The following MLXIPL variants were observed in gnomAD, a reference collection of about 807,000 sequenced individuals.
The protein encoded by MLXIPL is MLX interacting protein like.
A neutral mutation model predicts 81.5 loss-of-function variants in MLXIPL; 49 were observed. That is an observed-to-expected ratio of 0.60 (90% confidence interval 0.48 to 0.76). MLXIPL has a LOEUF of 0.76. Ranked by LOEUF, MLXIPL falls within the 30% of genes least tolerant of loss-of-function variation. MLXIPL has a pLI of 0.00. For missense variants in MLXIPL, 1,053 were observed against 1,167.0 expected (o/e 0.90, Z 1.42); for synonymous variants, 466 against 485.5 (o/e 0.96, Z 0.53).
intron 7 of MLXIPL, among the ~76,000 whole-genome samples, chr7:73,601,734 G>A (rs1433983068): frequency 1.3e-5 from 2 of 152,160 alleles, no homozygotes; most frequent in African/African-American, 4.8e-5. Flanking sequence ...GTTTTGCCAT[G>A]TTGCCCGGGC....
chr7:73,645,848 T>C, the MLXIPL span, among the ~76,000 whole-genome samples: 2 of 152,176 alleles, frequency 1.3e-5, no homozygotes, highest in Non-Finnish European at 2.9e-5. Flanking sequence ...AGCCAGAGCC[T>C]TGACCTCTCT....
chr7:73,595,530 T>C (rs935624131), intron 15 of MLXIPL, 107 bp downstream of exon 15: 76 of 1,607,860 alleles, frequency 4.7e-5, no homozygotes, highest in Non-Finnish European at 6.2e-5. Context: ...TGGGAGCAGC[T>C]CTGAGCCTGC....
intron 7 of MLXIPL, 98 bp from the exon 8 acceptor site, chr7:73,599,793 G>A: frequency 3.4e-6 from 4 of 1,184,004 alleles, no homozygotes; most frequent in Non-Finnish European, 4.8e-6. Flanking sequence ...TTGGCGGGTG[G>A]GGACATGGGG....
chr7:73,630,588 C>T, the MLXIPL span, among the ~76,000 whole-genome samples: 3 of 152,118 alleles, frequency 2.0e-5, no homozygotes, highest in Non-Finnish European at 4.4e-5. Flanking sequence ...CCACTGTGCC[C>T]GGCCTACCCT....
chr7:73,624,139 C>A, intron 1 of MLXIPL, 61 bp downstream of exon 1: 1 of 1,398,746 alleles, frequency 7.1e-7, no homozygotes, highest in South Asian at 1.4e-5. Flanking sequence ...AGTCCTGCCC[C>A]GGACCCCCCC....
chr7:73,597,033 TA>T, intron 9 of MLXIPL, 101 bp from the exon 10 acceptor site: 1 of 1,476,812 alleles, frequency 6.8e-7, no homozygotes. Context: ...CCCTTTTAGG[TA>T]CAGGCCCCAC....
chr7:73,603,367 C>T (rs1795040700), intron 7 of MLXIPL, among the ~76,000 whole-genome samples: 1 of 152,224 alleles, frequency 6.6e-6, no homozygotes, highest in African/African-American at 2.4e-5. Flanking sequence ...CTTGCCCAGA[C>T]CCCAGGTGGG....
intron 1 of MLXIPL, 113 bp downstream of exon 1, chr7:73,624,087 G>T (rs1451874536): frequency 1.5e-6 from 2 of 1,370,996 alleles, no homozygotes; most frequent in Non-Finnish European, 1.9e-6. Context: ...TCCGGGAGCC[G>T]CAGGACCGGG....
chr7:73,606,926 TG>T, intron 5 of MLXIPL, 47 bp downstream of exon 5: 3 of 1,602,578 alleles, frequency 1.9e-6, no homozygotes, highest in East Asian at 2.2e-5. Context: ...CCCATCTACT[TG>T]GGGGGCAAAG....
Position 73,597,164 on chromosome 7 carries a change from C to A in MLXIPL, c.1603+18G>T, listed in dbSNP as rs1554594460. ...GCCTCCCTCCCCAGGCTTTCCTCTC[C>A]CCGTTGCTGGCCCTCACCTGCTGTG... On this transcript the variant is annotated intron_variant, in intron 9 of 16. Coordinates refer to ENST00000313375, the MANE Select transcript of MLXIPL (RefSeq NM_032951.3). 1 of 1,593,946 alleles carries A rather than the reference C, an allele frequency of 6.3e-7. No homozygotes were observed. Among genetic ancestry groups the A allele is most frequent in the South Asian group, 1.1e-5 (1 of 88,176 alleles).
intron 1 of MLXIPL, among the ~76,000 whole-genome samples, chr7:73,621,087 T>G (rs28538764): frequency 5.4e-5 from 8 of 147,194 alleles, no homozygotes; most frequent in South Asian, 2.1e-4. Context: ...AAATAAATAA[T>G]AAGAAGGAGA....
intron 15 of MLXIPL, among the ~76,000 whole-genome samples, 176 bp from the exon 16 acceptor site, chr7:73,594,579 C>T (rs1276123071): frequency 7.2e-5 from 11 of 151,834 alleles, no homozygotes; most frequent in Non-Finnish European, 1.2e-4. Flanking sequence ...GACGGAGTCT[C>T]GCTCTGTCAC....
chr7:73,607,927 G>A (rs1476173444), intron 2 of MLXIPL, among the ~76,000 whole-genome samples: 5 of 147,438 alleles, frequency 3.4e-5, no homozygotes, highest in African/African-American at 1.3e-4. Flanking sequence ...CGTGATCTTG[G>A]CTCACTGCAA....
upstream of MLXIPL, among the ~76,000 whole-genome samples, chr7:73,628,772 C>G (rs1351716368): frequency 2.6e-5 from 4 of 152,236 alleles, no homozygotes; most frequent in Non-Finnish European, 5.9e-5. Flanking sequence ...GTTACTATAG[C>G]CAGCAGTTTA....
At position 73,597,366 on chromosome 7, in the gene MLXIPL, C is replaced by A. The variant is rs868964046; in HGVS notation, c.1419G>T (p.Glu473Asp). 5.6e-6 allele frequency: 8 copies of A among 1,420,048 alleles called. No homozygotes were observed. The African/African-American group carries it at 1.3e-4, about 22-fold the overall frequency. The allele number at this position is 1,420,048 out of a possible 1,614,324, so 88.0% of individuals were successfully genotyped here. A position where few individuals can be genotyped will look rare whatever the true frequency, so the allele number is the denominator to read the frequency against. ...PSPAPTPFPI[E>D]LLPLGYSEPA... ...GCTCCGAATACCCCAAGGGTAGAAG[C>A]TCTATGGGGAAGGGGGTGGGGGCTG... The change falls in exon 9 of 17, where the codon GAG becomes GAT. Residue 473 changes from glutamate (E) to aspartate (D), a missense_variant. This residue lies in a region of MLXIPL where 823 missense variants were observed against 933.0 expected (regional missense o/e 0.88). Coordinates refer to ENST00000313375, the MANE Select transcript of MLXIPL (RefSeq NM_032951.3).
chr7:73,616,271 T>C, intron 1 of MLXIPL, 94 bp from the exon 2 acceptor site: 9 of 1,180,568 alleles, frequency 7.6e-6, no homozygotes, highest in Non-Finnish European at 1.1e-5. Flanking sequence ...CCATCTATGG[T>C]TGGCATTTGA....
chr7:73,631,558 C>CTTT, the MLXIPL span, among the ~76,000 whole-genome samples: 488 of 69,666 alleles, frequency 7.0e-3, 76 homozygotes, highest in African/African-American at 0.022. Flanking sequence ...GATGTTGCTA[C>CTTT]TTTTTTTTTT....
At chr7:73,607,202 C>A (rs1795353515) in intron 4 of MLXIPL, 129 bp downstream of exon 4, 1 of 1,260,574 alleles carries the variant, frequency 7.9e-7, no homozygotes, top group Non-Finnish European at 1.1e-6. Flanking sequence ...CGGCCCGGGA[C>A]TGAATGGAGG....
chr7:73,632,930 C>T, the MLXIPL span, among the ~76,000 whole-genome samples: 1 of 151,888 alleles, frequency 6.6e-6, no homozygotes, highest in Admixed American at 6.6e-5. Context: ...CAGGTGCCCA[C>T]CACCACGTGT....
Sources: allele counts gnomAD v4.1 joint callset (sites outside exome capture counted in the v4.1 genomes callset), GRCh38; gene constraint gnomAD v4.1.1; regional missense constraint gnomAD v4.1.1; transcripts MANE v1.5; gene names NCBI Gene and HGNC (gene_info 2026-07-23, HGNC 2026-07-21).